The following PTBP2 variants were observed in gnomAD, a reference collection of about 807,000 sequenced individuals.
PTBP2 encodes polypyrimidine tract binding protein 2.
PTBP2 carries 13 observed loss-of-function variants against 61.4 expected under a neutral mutation model. The observed-to-expected ratio is 0.21, with a 90% CI of 0.14 to 0.34. The LOEUF (loss-of-function observed/expected upper bound fraction) is 0.34. Ranked by LOEUF, PTBP2 falls within the 10% of genes least tolerant of loss-of-function variation. PTBP2 has a pLI of 1.00. For synonymous variants in PTBP2, 215 were observed against 218.5 expected (o/e 0.98, Z 0.14); for missense variants, 405 against 642.6 (o/e 0.63, Z 4.00).
chr1:96,739,771 G>A (rs1312857401), intron 2 of PTBP2, among the ~76,000 whole-genome samples: 3 of 151,016 alleles, frequency 2.0e-5, no homozygotes, highest in African/African-American at 2.4e-5. Flanking sequence ...CCGCCACCAC[G>A]CCCGGCTAAT....
intron 2 of PTBP2, among the ~76,000 whole-genome samples, chr1:96,725,386 G>A (rs1650274488): frequency 6.8e-6 from 1 of 146,622 alleles, no homozygotes; most frequent in African/African-American, 2.5e-5. Flanking sequence ...TACAAGCTCC[G>A]CCTTCCGGGT....
intron 4 of PTBP2, among the ~76,000 whole-genome samples, chr1:96,770,310 C>T (rs1265571427): frequency 6.6e-6 from 1 of 151,984 alleles, no homozygotes; most frequent in East Asian, 1.9e-4. Flanking sequence ...TGAGGTTAAT[C>T]TGACATTTAA....
chr1:96,765,299 A>C (rs1198630844), intron 3 of PTBP2, among the ~76,000 whole-genome samples: 3 of 152,176 alleles, frequency 2.0e-5, no homozygotes, highest in Non-Finnish European at 4.4e-5. Context: ...GATGTACCTA[A>C]GTTTTGTCAC....
At chr1:96,817,641 ATATT>A (rs1445108589), downstream of PTBP2, 4 of 152,114 alleles carry the variant, frequency 2.6e-5, no homozygotes, top group African/African-American at 9.6e-5. Context: ...ACGTAATTAT[ATATT>A]AGTTGAAAGA....
intron 5 of PTBP2, chr1:96,771,311 G>A (rs1380963128): frequency 6.5e-6 from 1 of 152,708 alleles, no homozygotes; most frequent in Non-Finnish European, 1.5e-5. Flanking sequence ...ATGTAATATA[G>A]AAGATATTGT....
chr1:96,752,396 G>T (rs1239263004), intron 3 of PTBP2, among the ~76,000 whole-genome samples: 1 of 152,030 alleles, frequency 6.6e-6, no homozygotes, highest in Non-Finnish European at 1.5e-5. Flanking sequence ...TTTCCCTTAG[G>T]TAGCTGTGCT....
intron 1 of PTBP2, among the ~76,000 whole-genome samples, 185 bp from the exon 2 acceptor site, chr1:96,723,379 T>A (rs1333936937): frequency 6.6e-6 from 1 of 152,186 alleles, no homozygotes; most frequent in Admixed American, 6.5e-5. Context: ...AAAGTTACTT[T>A]TAGAAAACCA....
chr1:96,822,455 G>T (rs1452929979), exon 14 of PTBP2: 1 of 152,174 alleles, frequency 6.6e-6, no homozygotes, highest in African/African-American at 2.4e-5. Flanking sequence ...ATTATAGGCT[G>T]TGCTAAGTTG....
intron 2 of PTBP2, among the ~76,000 whole-genome samples, chr1:96,730,060 T>G (rs1412122361): frequency 6.6e-6 from 1 of 152,208 alleles, no homozygotes; most frequent in Non-Finnish European, 1.5e-5. Flanking sequence ...TGGTATCTGT[T>G]GAATCCTTAG....
In PTBP2 at chr1:96,736,550, AC is replaced by A. The variant is rs576095396; in HGVS notation, c.39+12957del. Among the ~76,000 whole-genome samples, 203 of 152,328 alleles carry A rather than the reference AC, an allele frequency of 1.3e-3. 1 individual carries two copies. Among genetic ancestry groups the A allele is most frequent in the Non-Finnish European group, 2.3e-3 (154 of 68,040 alleles). On this transcript the variant is annotated intron_variant, in intron 2 of 13. Transcript: ENST00000674951. ...TTGATCTTCTACTTAATTGAAAAAT[AC>A]ACATTTCTGAGCCTTAGTCTGAAAG...
rs527913622 is a variant in PTBP2 at position 96,751,961 on chromosome 1, G to T, written c.115+461G>T. On this transcript the variant is annotated intron_variant, in intron 3 of 13. Coordinates refer to ENST00000674951, the MANE Select transcript of PTBP2 (RefSeq NM_021190.4). ...CTATGGTTTTAACTAATTTTTTGCT[G>T]AAACAGTATTTTAATTCTGAGTTGA... Among the ~76,000 whole-genome samples the T allele has an allele frequency of 3.9e-5, 6 of 151,986 alleles. No homozygotes were observed. In the East Asian group the frequency reaches 1.2e-3, roughly 29 times the overall value.
At chr1:96,745,433 A>T (rs970921390) in intron 2 of PTBP2, among the ~76,000 whole-genome samples, 1 of 152,080 alleles carries the variant, frequency 6.6e-6, no homozygotes, top group African/African-American at 2.4e-5. Flanking sequence ...AAGTGCTGGG[A>T]TTATAGGTGT....
At chr1:96,747,479 A>G (rs1317727186) in intron 2 of PTBP2, among the ~76,000 whole-genome samples, 3 of 152,154 alleles carry the variant, frequency 2.0e-5, no homozygotes, top group Non-Finnish European at 4.4e-5. Context: ...TTTTATATTT[A>G]TCAGAAAATT....
At chr1:96,823,019 A>C (rs1662731018) in exon 14 of PTBP2, 1 of 151,158 alleles carries the variant, frequency 6.6e-6, no homozygotes, top group Admixed American at 6.6e-5. Context: ...GGAGTGCAAC[A>C]GTGTGATCTC....
chr1:96,786,166 G>T (rs1659180366), intron 8 of PTBP2, among the ~76,000 whole-genome samples: 1 of 152,030 alleles, frequency 6.6e-6, no homozygotes, highest in African/African-American at 2.4e-5. Flanking sequence ...AGTAGTTATT[G>T]GAAATATTTA....
At position 96,721,854 on chromosome 1, in the gene PTBP2, C is replaced by A. The variant is rs1356132749; in HGVS notation, c.-11C>A. On this transcript the variant is annotated 5_prime_UTR_variant, in exon 1 of 14. Transcript: ENST00000674951. ...TCGGTTCTTGTGAGCGAAGCTTTGT[C>A]CGGTTCGGCAATGGACGGGTATGTA... is the stretch of plus-strand genomic sequence containing the variant. The A allele has an allele frequency of 1.9e-6, 3 of 1,569,874 alleles. No homozygotes were observed. The highest frequency in any genetic ancestry group is 1.2e-5 in the South Asian group (1 of 85,382).
At position 96,814,881 on chromosome 1, in the gene PTBP2, A is replaced by G. The variant is rs1380598980; in HGVS notation, c.*1476A>G. ...GCTCAATAAACACTTCTGTAGCTCT[A>G]TATTCACCTTTTCTGTCTTTCTCTG... On this transcript the variant is annotated 3_prime_UTR_variant, in exon 14 of 14. Transcript: ENST00000674951. 10 of 152,594 alleles carry G rather than the reference A, an allele frequency of 6.6e-5. No homozygotes were observed. Among genetic ancestry groups the G allele is most frequent in the East Asian group, 1.9e-4 (1 of 5,176 alleles). 9.5% of individuals were successfully genotyped at this position (152,594 alleles called of 1,614,324 possible).
chr1:96,763,009 C>G (rs1386227741), intron 3 of PTBP2, among the ~76,000 whole-genome samples: 3 of 151,818 alleles, frequency 2.0e-5, no homozygotes, highest in Non-Finnish European at 2.9e-5. Context: ...CTCCTCACTT[C>G]CTAGATGGGA....
intron 3 of PTBP2, among the ~76,000 whole-genome samples, chr1:96,757,491 A>T (rs1230513024): frequency 4.6e-5 from 7 of 152,328 alleles, no homozygotes; most frequent in African/African-American, 1.7e-4. Flanking sequence ...ATCCACAATC[A>T]TAGCCTGGTT....
Sources: allele counts gnomAD v4.1 joint callset (sites outside exome capture counted in the v4.1 genomes callset), GRCh38; gene constraint gnomAD v4.1.1; transcripts MANE v1.5; gene names NCBI Gene and HGNC (gene_info 2026-07-23, HGNC 2026-07-21).